The following SERGEF variants were observed in gnomAD, a reference collection of about 807,000 sequenced individuals.
SERGEF encodes the protein secretion regulating guanine nucleotide exchange factor.
A neutral mutation model predicts 50.0 loss-of-function variants in SERGEF; 51 were observed. The ratio of observed to expected loss-of-function variants is 1.02; its 90% CI spans 0.81 to 1.29. The LOEUF is 1.29. Among genes scored for constraint, SERGEF ranks in the 50% most tolerant of loss-of-function variants. The pLI is 0.00. For missense variants in SERGEF, 521 were observed against 557.0 expected, an observed-to-expected ratio of 0.94 and a Z score of 0.65; for synonymous variants, 205 against 212.4, an observed-to-expected ratio of 0.97 and a Z score of 0.30.
intron 10 of SERGEF, among the ~76,000 whole-genome samples, chr11:17,795,278 G>T (rs1849554620): frequency 6.6e-6 from 1 of 152,172 alleles, no homozygotes; most frequent in African/African-American, 2.4e-5. Context: ...CATCCTTTTG[G>T]CAGCAACTGG....
rs533347155 is a variant in SERGEF, at chr11:17,920,292, A to T, written c.1011+39178T>A. ...AACAGCAACTCACACTTTCCCCAGA[A>T]CTCCTAAAATCCCTTACCCTGCTCT... On this transcript the variant is annotated intron_variant, in intron 9 of 10. Coordinates refer to ENST00000265965, the MANE Select transcript of SERGEF (RefSeq NM_012139.4). 2.0e-5 allele frequency among the ~76,000 whole-genome samples: 3 copies of T among 151,588 alleles called. No individual in the cohort carries two copies. In the East Asian group the frequency reaches 5.8e-4, roughly 29 times the overall value.
At chr11:17,912,229 C>T (rs1851968634) in intron 9 of SERGEF, among the ~76,000 whole-genome samples, 1 of 152,034 alleles carries the variant, frequency 6.6e-6, no homozygotes, top group African/African-American at 2.4e-5. Flanking sequence ...TTATGAAAAC[C>T]AACAGAGAAC....
intron 10 of SERGEF, among the ~76,000 whole-genome samples, chr11:17,870,829 GATTT>G (rs1316353310): frequency 6.6e-6 from 1 of 152,084 alleles, no homozygotes; most frequent in African/African-American, 2.4e-5. Flanking sequence ...TAGATATCAA[GATTT>G]ATTATAAAGC....
chr11:17,802,545 G>A (rs1050354487), intron 10 of SERGEF, among the ~76,000 whole-genome samples: 1 of 152,142 alleles, frequency 6.6e-6, no homozygotes, highest in African/African-American at 2.4e-5. Context: ...AGCCTATAAG[G>A]TCCTATACCA....
chr11:17,862,235 ATC>A (rs1420158463), intron 10 of SERGEF, among the ~76,000 whole-genome samples: 2 of 152,198 alleles, frequency 1.3e-5, no homozygotes, highest in Non-Finnish European at 2.9e-5. Context: ...TTCAAGGATC[ATC>A]TCTTCTAAGA....
At chr11:17,959,780 G>T in intron 8 of SERGEF, 144 bp from the exon 9 acceptor site, 1 of 681,002 alleles carries the variant, frequency 1.5e-6, no homozygotes, top group Non-Finnish European at 2.4e-6. Flanking sequence ...GAAGGCACAT[G>T]CACTCATATT....
intron 9 of SERGEF, among the ~76,000 whole-genome samples, chr11:17,896,634 A>G (rs1474216978): frequency 2.1e-4 from 3 of 14,468 alleles, no homozygotes; most frequent in Admixed American, 1.2e-3. Context: ...GGGAAGGGGA[A>G]GGGAAGGGGA....
intron 10 of SERGEF, among the ~76,000 whole-genome samples, chr11:17,829,256 A>G (rs1002368829): frequency 2.0e-5 from 3 of 152,198 alleles, no homozygotes; most frequent in Non-Finnish European, 2.9e-5. Flanking sequence ...CACTAACTTT[A>G]TAGTCTCTTG....
chr11:17,809,775 C>G (rs1434283549), intron 10 of SERGEF, among the ~76,000 whole-genome samples: 1 of 152,122 alleles, frequency 6.6e-6, no homozygotes, highest in Non-Finnish European at 1.5e-5. Flanking sequence ...AGCCAGGAGA[C>G]TAGGAGGATG....
At chr11:17,988,229 T>A (rs1853639605) in intron 8 of SERGEF, among the ~76,000 whole-genome samples, 1 of 152,242 alleles carries the variant, frequency 6.6e-6, no homozygotes, top group Non-Finnish European at 1.5e-5. Context: ...TATCTTTCAC[T>A]TAACATTTTC....
At chr11:17,866,428 G>A (rs951609003) in intron 10 of SERGEF, among the ~76,000 whole-genome samples, 1 of 152,172 alleles carries the variant, frequency 6.6e-6, no homozygotes, top group African/African-American at 2.4e-5. Context: ...TGTGTACTAG[G>A]CTATACCATC....
intron 10 of SERGEF, among the ~76,000 whole-genome samples, chr11:17,817,267 T>G (rs558725020): frequency 2.4e-4 from 36 of 151,242 alleles, no homozygotes; most frequent in African/African-American, 8.7e-4. Flanking sequence ...GGCTGGAGAA[T>G]GCAGTGGCGC....
At chr11:18,011,686 A>C (rs1295636913) in intron 1 of SERGEF, among the ~76,000 whole-genome samples, 5 of 152,194 alleles carry the variant, frequency 3.3e-5, no homozygotes. Context: ...CATATTTTAC[A>C]ACCTTTAATA....
intron 9 of SERGEF, among the ~76,000 whole-genome samples, chr11:17,931,330 G>A (rs985394501): frequency 1.3e-5 from 2 of 152,070 alleles, no homozygotes; most frequent in Non-Finnish European, 2.9e-5. Context: ...AAAATATAAT[G>A]CCTACTTCAC....
chr11:17,814,193 A>C (rs892940059), intron 10 of SERGEF, among the ~76,000 whole-genome samples: 1 of 151,640 alleles, frequency 6.6e-6, no homozygotes, highest in Admixed American at 6.6e-5. Context: ...GTTTCTGTAA[A>C]GGTATTTTTT....
intron 10 of SERGEF, among the ~76,000 whole-genome samples, chr11:17,859,577 A>G (rs1850888478): frequency 6.6e-6 from 1 of 152,214 alleles, no homozygotes; most frequent in Admixed American, 6.5e-5. Flanking sequence ...CTCTGGACTG[A>G]GAAGGCTCAA....
chr11:17,982,723 T>C (rs1466580610), intron 8 of SERGEF, among the ~76,000 whole-genome samples: 2 of 152,242 alleles, frequency 1.3e-5, no homozygotes, highest in Non-Finnish European at 2.9e-5. Context: ...ATTTCACTAA[T>C]GCTTAGACAT....
At chr11:17,908,181 T>C (rs61882448) in intron 9 of SERGEF, among the ~76,000 whole-genome samples, 10,383 of 152,268 alleles carry the variant, frequency 0.068, 486 homozygotes, top group Non-Finnish European at 0.1. Context: ...GATCTTTCAA[T>C]GGCCCCTCAT....
At chr11:17,885,632 T>A (rs568557688) in intron 9 of SERGEF, among the ~76,000 whole-genome samples, 9 of 151,518 alleles carry the variant, frequency 5.9e-5, no homozygotes, top group Non-Finnish European at 1.2e-4. Flanking sequence ...ATGGGCATGA[T>A]CTGATTTTTT....
Sources: allele counts gnomAD v4.1 joint callset (sites outside exome capture counted in the v4.1 genomes callset), GRCh38; gene constraint gnomAD v4.1.1; transcripts MANE v1.5; gene names NCBI Gene and HGNC (gene_info 2026-07-23, HGNC 2026-07-21).